The following RBFOX3 variants were observed in gnomAD, a reference collection of about 807,000 sequenced individuals.
RBFOX3 encodes RNA binding protein fox-1 homolog 3.
In RBFOX3, 17 loss-of-function variants were observed where a neutral mutation model predicts 48.7. That is an observed-to-expected ratio of 0.35 (90% confidence interval 0.24 to 0.52). RBFOX3 has a LOEUF of 0.52. Among genes scored for constraint, RBFOX3 ranks in the 20% least tolerant of loss-of-function variants. The pLI is 0.94. For missense variants in RBFOX3, 382 were observed against 497.5 expected (o/e 0.77, Z 2.21); for synonymous variants, 212 against 209.5 (o/e 1.01, Z -0.10).
At chr17:79,483,002 C>T (rs1482440317) in intron 1 of RBFOX3, among the ~76,000 whole-genome samples, 9 of 151,976 alleles carry the variant, frequency 5.9e-5, no homozygotes, top group Non-Finnish European at 1.3e-4. Flanking sequence ...GATTCCAGGA[C>T]CCACCACTGT....
chr17:79,541,035 C>T (rs116725705), intron 1 of RBFOX3, among the ~76,000 whole-genome samples: 95 of 152,236 alleles, frequency 6.2e-4, no homozygotes, highest in African/African-American at 2.3e-3. Context: ...CAGCCACAGA[C>T]GAGACATTAG....
intron 14 of RBFOX3, chr17:79,092,689 A>G (rs769211640): frequency 4.4e-5 from 40 of 918,466 alleles, no homozygotes; most frequent in Non-Finnish European, 4.7e-5. Flanking sequence ...GTCTTTTGGA[A>G]GAGGGGAAAA....
chr17:79,314,906 CT>C (rs57401166), intron 2 of RBFOX3, among the ~76,000 whole-genome samples: 145,621 of 151,878 alleles, frequency 0.96, 70,064 homozygotes, highest in East Asian at 1. Flanking sequence ...GTGATCCTTC[CT>C]TTTTTTTTTT....
chr17:79,437,674 G>A (rs1204611760), intron 2 of RBFOX3, among the ~76,000 whole-genome samples: 1 of 152,234 alleles, frequency 6.6e-6, no homozygotes, highest in East Asian at 1.9e-4. Context: ...GCACCCCAGA[G>A]TCAGGAAACC....
Position 79,090,723 on chromosome 17 carries a change from C to T in RBFOX3, c.*160G>A, listed in dbSNP as rs1291834699. On this transcript the variant is annotated 3_prime_UTR_variant, in exon 15 of 15. Coordinates refer to ENST00000693108, the MANE Select transcript of RBFOX3 (RefSeq NM_001350451.2). Reference sequence around the variant, plus strand: ...TGCTCCCTCGGTGCGGGCGTGTGGCCAGGACGCGGGACTTGGACTTGGTTG... The same window carrying T: ...TGCTCCCTCGGTGCGGGCGTGTGGCTAGGACGCGGGACTTGGACTTGGTTG... 5.2e-5 allele frequency: 48 copies of T among 918,896 alleles called. No individual in the cohort carries two copies. The highest frequency in any genetic ancestry group is 6.5e-5 in the Non-Finnish European group (40 of 618,160). 56.9% of individuals were successfully genotyped at this position (918,896 alleles called of 1,614,324 possible). A position where few individuals can be genotyped will look rare whatever the true frequency, so the allele number is the denominator to read the frequency against.
intron 4 of RBFOX3, among the ~76,000 whole-genome samples, chr17:79,210,071 C>A (rs555594537): frequency 6.6e-6 from 1 of 152,094 alleles, no homozygotes; most frequent in South Asian, 2.1e-4. Flanking sequence ...GCAAATCCTG[C>A]AAAAACAACA....
intron 1 of RBFOX3, among the ~76,000 whole-genome samples, chr17:79,577,296 G>C (rs2092896594): frequency 6.6e-6 from 1 of 152,176 alleles, no homozygotes; most frequent in African/African-American, 2.4e-5. Flanking sequence ...GTGGGGTGCA[G>C]GATCACTGAG....
At chr17:79,576,069 G>C (rs916644948) in intron 1 of RBFOX3, among the ~76,000 whole-genome samples, 2 of 152,208 alleles carry the variant, frequency 1.3e-5, no homozygotes, top group African/African-American at 2.4e-5. Context: ...TCTACAATCA[G>C]CTGCCTTCAG....
chr17:79,291,389 T>C (rs1370061997), intron 3 of RBFOX3, among the ~76,000 whole-genome samples: 1 of 152,250 alleles, frequency 6.6e-6, no homozygotes, highest in Non-Finnish European at 1.5e-5. Flanking sequence ...AAAGTTGCTA[T>C]GAGGCTGTGT....
intron 4 of RBFOX3, among the ~76,000 whole-genome samples, chr17:79,196,286 C>T (rs2055572486): frequency 6.6e-6 from 1 of 152,172 alleles, no homozygotes; most frequent in Admixed American, 6.5e-5. Context: ...GTTTCTCACA[C>T]CCTCCTCCAG....
chr17:79,189,609 C>T (rs1234419957), intron 4 of RBFOX3, among the ~76,000 whole-genome samples: 1 of 152,174 alleles, frequency 6.6e-6, no homozygotes, highest in Non-Finnish European at 1.5e-5. Context: ...GTTGCTGAGC[C>T]CTGTGATGAC....
intron 2 of RBFOX3, among the ~76,000 whole-genome samples, chr17:79,420,271 G>A (rs1004016333): frequency 6.6e-6 from 1 of 152,072 alleles, no homozygotes; most frequent in Non-Finnish European, 1.5e-5. Flanking sequence ...TCCCTTTAAC[G>A]TGGAAATGGA....
At chr17:79,610,404 C>T (rs920032363) in intron 1 of RBFOX3, among the ~76,000 whole-genome samples, 1 of 151,892 alleles carries the variant, frequency 6.6e-6, no homozygotes, top group Admixed American at 6.5e-5. Flanking sequence ...CTGCCTCCCC[C>T]CGCCGGGGAG....
In RBFOX3 at chr17:79,234,721, C is replaced by CTTTTTTTTT. The variant is rs71161654; in HGVS notation, c.-34+1036_-34+1044dup. ...TTGGGTTTATTGGGGGCATTAAGTG[C>CTTTTTTTTT]TTTTTTTTTTTTTTTTTTTTTTTTT... On this transcript the variant is annotated intron_variant, in intron 4 of 14. Transcript: ENST00000693108. 47 of 61,830 alleles carry CTTTTTTTTT rather than the reference C, an allele frequency of 7.6e-4. 12 individuals are homozygous for CTTTTTTTTT. Among genetic ancestry groups the CTTTTTTTTT allele is most frequent in the African/African-American group, 3.4e-3 (43 of 12,590 alleles). The allele number at this position is 61,830 out of a possible 1,614,324, so 3.8% of individuals were successfully genotyped here. A position where few individuals can be genotyped will look rare whatever the true frequency, so the allele number is the denominator to read the frequency against.
rs1254983695 is a variant in RBFOX3, at chr17:79,311,187, CTTTGGGAGG to C, written c.-174-3372_-174-3364del. On this transcript the variant is annotated intron_variant, in intron 2 of 14. Coordinates refer to ENST00000693108, the MANE Select transcript of RBFOX3 (RefSeq NM_001350451.2). The surrounding 1 kb of genome is among the most constrained non-coding windows in gnomAD (Gnocchi z 4.2). Reference sequence around the variant, plus strand: ...GTGGCTCACGCCTATAATCCCAGCACTTTGGGAGGCCGAGGCGGGTAGATCACCTGAGGT... The same window carrying C: ...GTGGCTCACGCCTATAATCCCAGCACCCGAGGCGGGTAGATCACCTGAGGT... Among the ~76,000 whole-genome samples the C allele has an allele frequency of 2.0e-5, 3 of 152,320 alleles. No homozygotes were observed. The highest frequency in any genetic ancestry group is 7.2e-5 in the African/African-American group (3 of 41,566).
the RBFOX3 span, among the ~76,000 whole-genome samples, chr17:79,663,228 G>A: frequency 6.6e-6 from 1 of 152,144 alleles, no homozygotes. Flanking sequence ...CAAGCCAAAT[G>A]TTTTCTATGA....
the RBFOX3 span, among the ~76,000 whole-genome samples, chr17:79,617,201 C>A: frequency 6.6e-6 from 1 of 152,150 alleles, no homozygotes; most frequent in Non-Finnish European, 1.5e-5. Flanking sequence ...CTTTCAAATT[C>A]TTCTTCCGTT....
rs558311196 is a variant in RBFOX3 at position 79,209,612 on chromosome 17, A to G, written c.-34+26154T>C. On this transcript the variant is annotated intron_variant, in intron 4 of 14. Coordinates refer to ENST00000693108, the MANE Select transcript of RBFOX3 (RefSeq NM_001350451.2). Reference sequence around the variant, plus strand: ...CAGTGTCCAGCATAGGTGTCTGCACATAGTACCTGTCCCATAAAAATAAGC... The same window carrying G: ...CAGTGTCCAGCATAGGTGTCTGCACGTAGTACCTGTCCCATAAAAATAAGC... 2.0e-5 allele frequency among the ~76,000 whole-genome samples: 3 copies of G among 152,350 alleles called. No homozygotes were observed. In the South Asian group the frequency reaches 6.2e-4, roughly 32 times the overall value.
intron 1 of RBFOX3, among the ~76,000 whole-genome samples, chr17:79,524,809 C>T (rs1442077192): frequency 1.2e-4 from 18 of 152,150 alleles, no homozygotes; most frequent in Admixed American, 3.3e-4. Context: ...TGGGTGGGTT[C>T]AAGCCGAATG....
Sources: gnomAD v4.1 joint callset for allele counts (sites outside exome capture counted in the v4.1 genomes callset) on GRCh38, gnomAD v4.1.1 for gene constraint, Gnocchi (gnomAD v3.1) non-coding constraint, MANE v1.5 for transcripts, NCBI Gene and HGNC (gene_info 2026-07-23, HGNC 2026-07-21) for gene names.